The following STRN3 variants were observed in gnomAD, a reference collection of about 807,000 sequenced individuals.
The protein encoded by STRN3 is striatin-3.
A neutral mutation model predicts 95.6 loss-of-function variants in STRN3; 29 were observed. That is an observed-to-expected ratio of 0.30 (90% confidence interval 0.23 to 0.41). The LOEUF (loss-of-function observed/expected upper bound fraction) is 0.41, where lower values mean the gene tolerates loss of function less well. Ranked by LOEUF, STRN3 falls within the 10% of genes least tolerant of loss-of-function variation. STRN3 has a pLI of 1.00. For synonymous variants in STRN3, 331 were observed against 357.6 expected (o/e 0.93, Z 0.84); for missense variants, 890 against 972.1 (o/e 0.92, Z 1.12).
At chr14:30,966,896 A>G (rs954375513) in intron 1 of STRN3, among the ~76,000 whole-genome samples, 1 of 152,126 alleles carries the variant, frequency 6.6e-6, no homozygotes, top group Non-Finnish European at 1.5e-5. Flanking sequence ...AGATGACAGC[A>G]CAAGTGGGAA....
chr14:30,986,003 A>T (rs1165597712), intron 1 of STRN3, among the ~76,000 whole-genome samples: 1 of 152,046 alleles, frequency 6.6e-6, no homozygotes, highest in African/African-American at 2.4e-5. Context: ...CTCTCTCAGG[A>T]ATTTTCAGCC....
chr14:31,014,858 C>CA (rs770534982), intron 1 of STRN3: 1 of 396,150 alleles, frequency 2.5e-6, no homozygotes, highest in East Asian at 8.4e-5. Context: ...GCCCAGGCTG[C>CA]AGTCTGTCAC....
At chr14:30,944,181 T>G (rs1162108906) in intron 5 of STRN3, among the ~76,000 whole-genome samples, 2 of 152,238 alleles carry the variant, frequency 1.3e-5, no homozygotes, top group African/African-American at 4.8e-5. Context: ...TGATTCAGAT[T>G]CAGAGTCAGA....
intron 8 of STRN3, among the ~76,000 whole-genome samples, chr14:30,921,071 T>TACACACACACACAC (rs921860938): frequency 8.6e-6 from 1 of 116,580 alleles, no homozygotes; most frequent in African/African-American, 3.2e-5. Flanking sequence ...CACATACATA[T>TACACACACACACAC]ACACACACAC....
chr14:30,924,415 A>G (rs1045017275), intron 8 of STRN3, among the ~76,000 whole-genome samples: 5 of 149,266 alleles, frequency 3.3e-5, no homozygotes, highest in Admixed American at 6.8e-5. Flanking sequence ...AGCCTCCCCA[A>G]GTAGCTGGGA....
chr14:30,967,676 T>C (rs1476369699), intron 1 of STRN3, among the ~76,000 whole-genome samples: 4 of 152,216 alleles, frequency 2.6e-5, no homozygotes, highest in Admixed American at 1.3e-4. Flanking sequence ...GGAAACCCCA[T>C]TGTGAGCACA....
At chr14:30,933,907 T>C (rs1566443900) in intron 7 of STRN3, among the ~76,000 whole-genome samples, 1 of 152,212 alleles carries the variant, frequency 6.6e-6, no homozygotes, top group Non-Finnish European at 1.5e-5. Flanking sequence ...TAGCAATACT[T>C]AGTTTAAACA....
intron 8 of STRN3, among the ~76,000 whole-genome samples, chr14:30,926,232 C>T (rs183629207): frequency 7.2e-5 from 11 of 152,122 alleles, no homozygotes; most frequent in Admixed American, 7.2e-4. Context: ...CCTGGATCTA[C>T]TTACATTAGT....
At chr14:31,001,346 G>A (rs1234249829) in intron 1 of STRN3, among the ~76,000 whole-genome samples, 10 of 151,864 alleles carry the variant, frequency 6.6e-5, no homozygotes, top group Non-Finnish European at 1.0e-4. Flanking sequence ...AATCAGCATG[G>A]GCAACACAGC....
At chr14:30,957,601 C>A (rs1345496275) in intron 1 of STRN3, among the ~76,000 whole-genome samples, 1 of 152,112 alleles carries the variant, frequency 6.6e-6, no homozygotes, top group Non-Finnish European at 1.5e-5. Context: ...ATTCCATTAC[C>A]TCATTGCTTT....
rs1248835878 is a variant in STRN3, at chr14:30,905,420, G to T, written c.2027C>A (p.Ser676Tyr). ...SLVILSSQVDSGLQSNNHINR... is the reference protein window; with the variant it reads ...SLVILSSQVDYGLQSNNHINR... ...AAAGAAACTCCATGAAAACTTACCA[G>T]AATCTACCTGTGATGAAAGTATCAC... The change falls in exon 15 of 18, where the codon TCT becomes TAT. Residue 676 changes from serine to tyrosine, a missense_variant and splice_region_variant. By Grantham distance (144) the Ser-to-Tyr change is moderately radical. Coordinates refer to ENST00000357479, the MANE Select transcript of STRN3 (RefSeq NM_001083893.2). 2 of 1,596,284 alleles carry T rather than the reference G, an allele frequency of 1.3e-6. No homozygotes were observed. Among genetic ancestry groups the T allele is most frequent in the Non-Finnish European group, 1.7e-6 (2 of 1,173,904 alleles).
Position 30,986,854 on chromosome 14 carries a change from T to C in STRN3, c.283-30612A>G, listed in dbSNP as rs1401303428. 2.0e-5 allele frequency among the ~76,000 whole-genome samples: 3 copies of C among 152,212 alleles called. No individual in the cohort carries two copies. In the East Asian group the frequency reaches 5.8e-4, roughly 29 times the overall value. On this transcript the variant is annotated intron_variant, in intron 1 of 17. Transcript: ENST00000357479. Reference sequence around the variant, plus strand: ...GTTAAAGGAAGGAAAGAAAAATCAATGGTGAATTTCATCTCTCACACATAC... The same window carrying C: ...GTTAAAGGAAGGAAAGAAAAATCAACGGTGAATTTCATCTCTCACACATAC...
intron 3 of STRN3, among the ~76,000 whole-genome samples, chr14:30,954,321 T>C (rs942863344): frequency 2.6e-5 from 4 of 152,196 alleles, no homozygotes; most frequent in African/African-American, 9.6e-5. Flanking sequence ...GCTGTATCTA[T>C]TTATTTTACT....
intron 1 of STRN3, among the ~76,000 whole-genome samples, chr14:31,021,915 A>C (rs1883525387): frequency 6.6e-6 from 1 of 152,152 alleles, no homozygotes; most frequent in Admixed American, 6.5e-5. Context: ...CCTAAACTTC[A>C]TTTCAAGGGC....
At chr14:31,018,523 T>A (rs1461423340) in intron 1 of STRN3, 2 of 425,944 alleles carry the variant, frequency 4.7e-6, no homozygotes, top group South Asian at 1.7e-5. Context: ...GCGAAACAAC[T>A]ATGGTAAAGG....
chr14:30,978,225 A>G (rs775777992), intron 1 of STRN3, among the ~76,000 whole-genome samples: 1 of 152,202 alleles, frequency 6.6e-6, no homozygotes, highest in African/African-American at 2.4e-5. Context: ...CGACAAACAT[A>G]TCTCTCATGA....
At chr14:30,914,846 A>T (rs1896696914) in intron 9 of STRN3, among the ~76,000 whole-genome samples, 1 of 152,226 alleles carries the variant, frequency 6.6e-6, no homozygotes, top group Non-Finnish European at 1.5e-5. Flanking sequence ...GCATTATTAC[A>T]GCTTTTCATG....
chr14:30,939,329 T>TA (rs548337626), intron 5 of STRN3, among the ~76,000 whole-genome samples: 67 of 152,170 alleles, frequency 4.4e-4, no homozygotes, highest in African/African-American at 1.5e-3. Flanking sequence ...GAATTGTCTC[T>TA]AAAAAACAAA....
intron 13 of STRN3, among the ~76,000 whole-genome samples, chr14:30,909,727 T>C (rs9671256): frequency 1 from 152,092 of 152,288 alleles, 75,951 homozygotes; most frequent in Non-Finnish European, 1. Flanking sequence ...ATCCACCCAC[T>C]TCGGCCTCCC....
Sources: gnomAD v4.1 joint callset for allele counts (sites outside exome capture counted in the v4.1 genomes callset) on GRCh38, gnomAD v4.1.1 for gene constraint, MANE v1.5 for transcripts, NCBI Gene and HGNC (gene_info 2026-07-23, HGNC 2026-07-21) for gene names.